Variants in TTLL1 observed in about 807,000 individuals in gnomAD.
TTLL1 encodes TTL family tubulin polyglutamylase complex subunit L1, also known as polyglutamylase complex subunit TTLL1.
A neutral mutation model predicts 47.8 loss-of-function variants in TTLL1; 33 were observed. The observed-to-expected ratio is 0.69, with a 90% CI of 0.52 to 0.92. The LOEUF is 0.92. TTLL1 is among the 40% of genes least tolerant of loss of function. The pLI is 0.00. For missense variants in TTLL1, 488 were observed against 547.5 expected, an observed-to-expected ratio of 0.89 and a Z score of 1.08; for synonymous variants, 225 against 214.1, an observed-to-expected ratio of 1.05 and a Z score of -0.45.
At chr22:43,079,262 G>A (rs1172798136) in intron 2 of TTLL1, among the ~76,000 whole-genome samples, 1 of 133,440 alleles carries the variant, frequency 7.5e-6, no homozygotes, top group African/African-American at 2.8e-5. Flanking sequence ...GGGGCCAAGG[G>A]AGCCGCACCC....
intron 8 of TTLL1, among the ~76,000 whole-genome samples, chr22:43,055,654 T>C (rs942457891): frequency 1.3e-5 from 2 of 151,334 alleles, no homozygotes; most frequent in African/African-American, 4.9e-5. Flanking sequence ...TTTTTTTTTT[T>C]GTAGAGACAG....
At chr22:43,080,666 C>T (rs1928817264) in intron 1 of TTLL1, among the ~76,000 whole-genome samples, 1 of 152,048 alleles carries the variant, frequency 6.6e-6, no homozygotes, top group Admixed American at 6.6e-5. Flanking sequence ...ACTGCCTCTT[C>T]TCCAACTCCT....
chr22:43,049,750 A>G (rs1295838422), intron 9 of TTLL1, among the ~76,000 whole-genome samples: 1 of 150,946 alleles, frequency 6.6e-6, no homozygotes, highest in Non-Finnish European at 1.5e-5. Flanking sequence ...CCTAGGCCAC[A>G]GAGTGGGACC....
intron 9 of TTLL1, among the ~76,000 whole-genome samples, chr22:43,048,302 G>A (rs1221502598): frequency 6.6e-6 from 1 of 151,380 alleles, no homozygotes; most frequent in African/African-American, 2.4e-5. Context: ...GGGTCACAGA[G>A]TGAGACTCCG....
In TTLL1 at chr22:43,043,499, C is replaced by T. The variant is rs140266286; in HGVS notation, c.1142+2911G>A. 3.4e-3 allele frequency among the ~76,000 whole-genome samples: 511 copies of T among 152,164 alleles called. 1 individual carries two copies. Among genetic ancestry groups the T allele is most frequent in the African/African-American group, 0.012 (491 of 41,500 alleles). ...AGGACCCAGCCCCGAAGGCCGCCAT[C>T]GCAGTTGCCATCCCCAACCCTGATC... On this transcript the variant is annotated intron_variant, in intron 10 of 10. Coordinates refer to ENST00000266254, the MANE Select transcript of TTLL1 (RefSeq NM_012263.5).
At chr22:43,046,313 A>G (rs1926121014) in intron 10 of TTLL1, 97 bp downstream of exon 10, 1 of 1,394,606 alleles carries the variant, frequency 7.2e-7, no homozygotes, top group South Asian at 1.3e-5. Flanking sequence ...CTGCCCAAAT[A>G]AGGAGAATCC....
intron 8 of TTLL1, among the ~76,000 whole-genome samples, chr22:43,055,765 C>G (rs916227932): frequency 6.6e-6 from 1 of 152,054 alleles, no homozygotes; most frequent in Non-Finnish European, 1.5e-5. Flanking sequence ...TGAGCCACCA[C>G]GCCCAGCCTC....
At chr22:43,064,379 C>T in intron 5 of TTLL1, 55 bp from the exon 6 acceptor site, 1 of 1,565,900 alleles carries the variant, frequency 6.4e-7, no homozygotes, top group Non-Finnish European at 8.7e-7. Flanking sequence ...ATAACGAAGA[C>T]ACAATCCAAG....
chr22:43,063,881 T>C lies in TTLL1; in HGVS notation c.679A>G (p.Thr227Ala), dbSNP rs1927555554. Residue 227 changes from threonine to alanine, a missense_variant, in exon 7 of 11, where the codon ACC (threonine) becomes GCC (alanine). Physicochemically the swap from Thr to Ala is moderately conservative, Grantham distance 58. Coordinates refer to ENST00000266254, the MANE Select transcript of TTLL1 (RefSeq NM_012263.5). ...TTGTCCAGCTCACTGGTACTCGGGGTGTATTTCACTGTGCAGAACCGGCAA... is the reference window on the plus strand; with the variant it reads ...TTGTCCAGCTCACTGGTACTCGGGGCGTATTTCACTGTGCAGAACCGGCAA... ...GFCRFCTVKY[T>A]PSTSELDNMF... The C allele has an allele frequency of 6.2e-7, 1 of 1,614,080 alleles. No homozygotes were observed. The highest frequency in any genetic ancestry group is 8.5e-7 in the Non-Finnish European group (1 of 1,180,010).
chr22:43,075,662 T>C (rs1235357192), intron 2 of TTLL1, 72 bp from the exon 3 acceptor site: 9 of 1,335,270 alleles, frequency 6.7e-6, no homozygotes, highest in Non-Finnish European at 2.1e-6. Context: ...AGGAATCCTC[T>C]AAACAGCATG....
chr22:43,065,008 G>A (rs1443427329), intron 5 of TTLL1, among the ~76,000 whole-genome samples: 1 of 151,950 alleles, frequency 6.6e-6, no homozygotes, highest in African/African-American at 2.4e-5. Flanking sequence ...AGCCAGGCAT[G>A]GGGGCGGGTG....
At chr22:43,068,614 C>A in intron 4 of TTLL1, 24 bp from the exon 5 acceptor site, 1 of 1,432,954 alleles carries the variant, frequency 7.0e-7, no homozygotes, top group Non-Finnish European at 9.3e-7. Flanking sequence ...ACACCCAGCA[C>A]TGGTAAGCAG....
intron 1 of TTLL1, among the ~76,000 whole-genome samples, chr22:43,080,743 GATGGAGCTA>G (rs751226361): frequency 6.7e-5 from 7 of 104,028 alleles, no homozygotes; most frequent in Non-Finnish European, 1.7e-4. Context: ...GCCTTAGCTG[GATGGAGCTA>G]AGGTGCCCTC....
chr22:43,070,559 G>T (rs1456154086), intron 3 of TTLL1, among the ~76,000 whole-genome samples: 1 of 152,116 alleles, frequency 6.6e-6, no homozygotes, highest in African/African-American at 2.4e-5. Context: ...CCACCCTAGA[G>T]AGGGTGCCCG....
chr22:43,076,752 AAAT>A (rs1019744158), intron 2 of TTLL1, among the ~76,000 whole-genome samples: 6 of 151,466 alleles, frequency 4.0e-5, no homozygotes, highest in African/African-American at 4.8e-5. Context: ...CTCCATCTCA[AAAT>A]AATAATAATA....
chr22:43,086,267 G>T (rs1203328843), intron 1 of TTLL1, among the ~76,000 whole-genome samples: 3 of 152,174 alleles, frequency 2.0e-5, no homozygotes, highest in Admixed American at 1.3e-4. Context: ...GAAAAACAGA[G>T]TGACATATTG....
intron 2 of TTLL1, among the ~76,000 whole-genome samples, chr22:43,076,749 T>G (rs1185643936): frequency 6.6e-6 from 1 of 151,056 alleles, no homozygotes; most frequent in African/African-American, 2.4e-5. Context: ...AGACTCCATC[T>G]CAAAATAATA....
chr22:43,042,395 C>G (rs1339720205), intron 10 of TTLL1, among the ~76,000 whole-genome samples: 1 of 152,216 alleles, frequency 6.6e-6, no homozygotes. Context: ...GCCAAGATGG[C>G]TCTTCGAAGT....
intron 3 of TTLL1, among the ~76,000 whole-genome samples, chr22:43,070,595 T>G (rs1013986175): frequency 2.6e-5 from 4 of 152,292 alleles, no homozygotes; most frequent in Middle Eastern, 3.4e-3. Flanking sequence ...TGCTGTGGAT[T>G]CCAGGATGGC....
Sources: gnomAD v4.1 joint callset for allele counts (sites outside exome capture counted in the v4.1 genomes callset) on GRCh38, gnomAD v4.1.1 for gene constraint, MANE v1.5 for transcripts, NCBI Gene and HGNC (gene_info 2026-07-23, HGNC 2026-07-21) for gene names.